Variants in AKAP6 observed in about 807,000 individuals in gnomAD.
AKAP6 encodes A-kinase anchoring protein 6.
AKAP6 carries 58 observed loss-of-function variants against 188.5 expected under a neutral mutation model. That is an observed-to-expected ratio of 0.31 (90% CI 0.25 to 0.38). AKAP6 has a LOEUF of 0.38. Among genes scored for constraint, AKAP6 ranks in the 10% least tolerant of loss-of-function variants. The pLI is 1.00. For missense variants in AKAP6, 2,710 were observed against 2,740.0 expected, an observed-to-expected ratio of 0.99 and a Z score of 0.24; for synonymous variants, 989 against 998.6, an observed-to-expected ratio of 0.99 and a Z score of 0.18.
At chr14:32,582,695 T>C (rs1159665382) in intron 5 of AKAP6, among the ~76,000 whole-genome samples, 3 of 152,202 alleles carry the variant, frequency 2.0e-5, no homozygotes, top group Non-Finnish European at 4.4e-5. Context: ...TTTCTTTTTA[T>C]TCTTTTTTCT....
At chr14:32,351,598 T>C (rs974145862) in intron 1 of AKAP6, among the ~76,000 whole-genome samples, 4 of 151,590 alleles carry the variant, frequency 2.6e-5, no homozygotes, top group African/African-American at 9.7e-5. Flanking sequence ...TTACCTGCTG[T>C]GCTCTAAACA....
intron 2 of AKAP6, among the ~76,000 whole-genome samples, chr14:32,441,054 A>G (rs983695762): frequency 5.3e-5 from 8 of 152,204 alleles, no homozygotes; most frequent in African/African-American, 1.9e-4. Flanking sequence ...GCAGAGAGTA[A>G]GCTCTCACCA....
intron 12 of AKAP6, among the ~76,000 whole-genome samples, chr14:32,788,875 G>T (rs1203115308): frequency 6.6e-6 from 1 of 152,134 alleles, no homozygotes; most frequent in South Asian, 2.1e-4. Flanking sequence ...GTCATTCTGC[G>T]GGCCCCACTT....
At chr14:32,368,576 T>G (rs1887909407) in intron 1 of AKAP6, among the ~76,000 whole-genome samples, 1 of 149,810 alleles carries the variant, frequency 6.7e-6, no homozygotes, top group African/African-American at 2.5e-5. Flanking sequence ...GAGGTAGAGG[T>G]GGGGGAAGGA....
chr14:32,724,063 T>A (rs1040600), intron 9 of AKAP6, among the ~76,000 whole-genome samples: 1 of 152,078 alleles, frequency 6.6e-6, no homozygotes, highest in Non-Finnish European at 1.5e-5. Flanking sequence ...CAGGTCTTTT[T>A]TTCTTCTTCT....
intron 2 of AKAP6, among the ~76,000 whole-genome samples, chr14:32,457,207 A>G (rs746489483): frequency 1.1e-4 from 16 of 152,204 alleles, no homozygotes; most frequent in Admixed American, 2.6e-4. Flanking sequence ...CTGGACTACT[A>G]CTGAGTGGTA....
chr14:32,563,490 T>TG (rs879818792), intron 4 of AKAP6, among the ~76,000 whole-genome samples: 101 of 151,852 alleles, frequency 6.7e-4, no homozygotes, highest in Admixed American at 7.9e-4. Flanking sequence ...ATTAGTACTG[T>TG]GGGGGGGGAA....
chr14:32,491,989 T>A (rs1880040421), intron 2 of AKAP6, among the ~76,000 whole-genome samples: 1 of 152,096 alleles, frequency 6.6e-6, no homozygotes, highest in Non-Finnish European at 1.5e-5. Flanking sequence ...AGAAATCCCT[T>A]CCTCTGTACT....
intron 4 of AKAP6, among the ~76,000 whole-genome samples, chr14:32,555,437 G>T (rs1883645522): frequency 6.6e-6 from 1 of 152,068 alleles, no homozygotes; most frequent in East Asian, 1.9e-4. Context: ...GTCCTTCTGA[G>T]TTTTCTTTAT....
intron 9 of AKAP6, among the ~76,000 whole-genome samples, chr14:32,706,343 C>T (rs1281265110): frequency 6.6e-6 from 1 of 152,106 alleles, no homozygotes; most frequent in African/African-American, 2.4e-5. Flanking sequence ...GTGAAAGCCC[C>T]CAAATGTTCT....
intron 2 of AKAP6, among the ~76,000 whole-genome samples, chr14:32,507,730 G>T (rs1021857244): frequency 1.3e-5 from 2 of 152,236 alleles, no homozygotes; most frequent in African/African-American, 4.8e-5. Flanking sequence ...AGGCATTGTA[G>T]AGGAGACAGG....
rs368044369 is a variant in AKAP6, at chr14:32,836,154, C to T, written c.*6349C>T. The T allele has an allele frequency of 5.9e-5, 9 of 152,150 alleles. No individual in the cohort carries two copies. The highest frequency in any genetic ancestry group is 1.0e-4 in the Non-Finnish European group (7 of 68,028). 9.4% of individuals were successfully genotyped at this position (152,150 alleles called of 1,614,324 possible). ...ACACAGGAGTTGGAATGTGTTCATA[C>T]GTGTAAGACTGTCTTAGTCTGCCCA... On this transcript the variant is annotated 3_prime_UTR_variant, in exon 14 of 14. Transcript: ENST00000280979.
In AKAP6 at chr14:32,640,633, C is replaced by T. The variant is rs537060479; in HGVS notation, c.2731-37678C>T. Among the ~76,000 whole-genome samples, 113 of 152,248 alleles carry T rather than the reference C, an allele frequency of 7.4e-4. 1 individual carries two copies. In the South Asian group the frequency reaches 0.022, roughly 29 times the overall value. ...GCCTCACATTGTAAATAGAGACCAA[C>T]TTGCTCTTGCCTGTGCTCACATTAG... On this transcript the variant is annotated intron_variant, in intron 7 of 13. Transcript: ENST00000280979.
intron 4 of AKAP6, among the ~76,000 whole-genome samples, chr14:32,570,417 C>G (rs1474950552): frequency 1.3e-5 from 2 of 151,898 alleles, no homozygotes; most frequent in Non-Finnish European, 2.9e-5. Context: ...ACTGGGATTA[C>G]AGGTGTGAGC....
intron 12 of AKAP6, among the ~76,000 whole-genome samples, chr14:32,797,308 G>A (rs558704980): frequency 6.6e-6 from 1 of 151,516 alleles, no homozygotes; most frequent in Non-Finnish European, 1.5e-5. Context: ...AAAGATACAT[G>A]CATGCATATA....
intron 1 of AKAP6, among the ~76,000 whole-genome samples, chr14:32,338,323 C>T (rs1886782942): frequency 6.6e-6 from 1 of 152,118 alleles, no homozygotes; most frequent in Admixed American, 6.6e-5. Context: ...GTGCCATCAA[C>T]CAGCTTGAGG....
intron 9 of AKAP6, among the ~76,000 whole-genome samples, chr14:32,727,186 T>G (rs1266458719): frequency 6.6e-6 from 1 of 152,194 alleles, no homozygotes; most frequent in African/African-American, 2.4e-5. Context: ...GACTTTTTTC[T>G]CACCCTTGAC....
At chr14:32,340,468 A>G (rs1886855753) in intron 1 of AKAP6, among the ~76,000 whole-genome samples, 1 of 152,196 alleles carries the variant, frequency 6.6e-6, no homozygotes, top group Non-Finnish European at 1.5e-5. Flanking sequence ...CCTCCACAGT[A>G]AAACAAAAGG....
chr14:32,741,824 T>G (rs974207533), intron 11 of AKAP6, among the ~76,000 whole-genome samples: 2 of 145,516 alleles, frequency 1.4e-5, no homozygotes, highest in East Asian at 4.0e-4. Flanking sequence ...TGTAGGTTTT[T>G]TTTTTTTTTT....
Sources: allele counts gnomAD v4.1 joint callset (sites outside exome capture counted in the v4.1 genomes callset), GRCh38; gene constraint gnomAD v4.1.1; transcripts MANE v1.5; gene names NCBI Gene and HGNC (gene_info 2026-07-23, HGNC 2026-07-21).